ABCB1: variants seen among roughly 807,000 people sequenced by gnomAD.
The protein encoded by ABCB1 is ATP-dependent translocase ABCB1.
Under a neutral mutation model 142.0 loss-of-function variants are expected in ABCB1, and 69 were observed. That is an observed-to-expected ratio of 0.49 (90% confidence interval 0.40 to 0.59). The LOEUF is 0.59. Ranked by LOEUF, ABCB1 falls within the 20% of genes least tolerant of loss-of-function variation. The pLI is 0.00. For synonymous variants in ABCB1, 532 were observed against 539.2 expected, an observed-to-expected ratio of 0.99 and a Z score of 0.18; for missense variants, 1,326 against 1,554.7, an observed-to-expected ratio of 0.85 and a Z score of 2.47.
intron 5 of ABCB1, 111 bp downstream of exon 5, chr7:87,570,059 CAA>C: frequency 1.1e-6 from 1 of 932,144 alleles, no homozygotes; most frequent in Non-Finnish European, 1.7e-6. Flanking sequence ...TAAAAACTAT[CAA>C]GAGTATTGTT....
chr7:87,672,503 T>G (rs542918385), intron 1 of ABCB1, among the ~76,000 whole-genome samples: 15 of 152,300 alleles, frequency 9.8e-5, no homozygotes, highest in Non-Finnish European at 1.9e-4. Flanking sequence ...CTGTAGGTTT[T>G]GGCTGCTTAG....
In ABCB1 at chr7:87,523,339, A is replaced by G. The variant is rs75175682; in HGVS notation, c.2686-2463T>C. On this transcript the variant is annotated intron_variant, in intron 21 of 27. Transcript: ENST00000622132. ...CATACTATCAATCTGTTTTCCAGAA[A>G]GTTTTGGGCTGGGTATGGTGGCTCA... 4.6e-3 allele frequency among the ~76,000 whole-genome samples: 707 copies of G among 152,222 alleles called. 7 individuals carry two copies. Among genetic ancestry groups the G allele is most frequent in the African/African-American group, 0.016 (655 of 41,508 alleles).
At chr7:87,557,240 A>G (rs1199383706) in intron 8 of ABCB1, among the ~76,000 whole-genome samples, 1 of 152,108 alleles carries the variant, frequency 6.6e-6, no homozygotes, top group African/African-American at 2.4e-5. Flanking sequence ...GAAGATCACA[A>G]AATAACCTCT....
chr7:87,641,354 T>G (rs2130295050), intron 1 of ABCB1, among the ~76,000 whole-genome samples: 1 of 152,324 alleles, frequency 6.6e-6, no homozygotes, highest in South Asian at 2.1e-4. Context: ...TTCATCTTCC[T>G]CCATAAGATT....
chr7:87,648,457 T>C (rs1253825958), intron 1 of ABCB1, among the ~76,000 whole-genome samples: 13 of 151,938 alleles, frequency 8.6e-5, no homozygotes. Flanking sequence ...TTCTCAGAGG[T>C]ATTTCACAGC....
At chr7:87,680,923 A>C (rs2130587608) in intron 1 of ABCB1, among the ~76,000 whole-genome samples, 1 of 150,936 alleles carries the variant, frequency 6.6e-6, no homozygotes, top group African/African-American at 2.4e-5. Context: ...CAAAAACAAT[A>C]ATTGGTGATA....
chr7:87,651,386 A>C (rs1339511222), intron 1 of ABCB1, among the ~76,000 whole-genome samples: 1 of 152,128 alleles, frequency 6.6e-6, no homozygotes, highest in African/African-American at 2.4e-5. Context: ...TGATTTTCTT[A>C]AATCAAAAAG....
At chr7:87,534,913 T>TC (rs1222338386) in intron 20 of ABCB1, among the ~76,000 whole-genome samples, 2 of 111,366 alleles carry the variant, frequency 1.8e-5, no homozygotes, top group African/African-American at 8.3e-5. Context: ...AGACCCTGTC[T>TC]CTTTAAAAAA....
chr7:87,523,122 A>T (rs1207882448), intron 21 of ABCB1, among the ~76,000 whole-genome samples: 1 of 151,984 alleles, frequency 6.6e-6, no homozygotes, highest in Non-Finnish European at 1.5e-5. Flanking sequence ...TTTTTTAGAA[A>T]CGGGGTCTTG....
At chr7:87,570,103 G>GT (rs1486819193) in intron 5 of ABCB1, 69 bp downstream of exon 5, 79 of 1,439,284 alleles carry the variant, frequency 5.5e-5, no homozygotes, top group Non-Finnish European at 7.5e-5. Flanking sequence ...ATAATGCAAA[G>GT]TTTTAAACAT....
chr7:87,539,175 C>T, intron 19 of ABCB1, 93 bp downstream of exon 19: 1 of 1,358,150 alleles, frequency 7.4e-7, no homozygotes, highest in South Asian at 1.2e-5. Context: ...GGAGCTAGGC[C>T]TGGGAAACAT....
intron 1 of ABCB1, among the ~76,000 whole-genome samples, chr7:87,670,772 G>A (rs1041236722): frequency 4.6e-5 from 7 of 152,178 alleles, no homozygotes; most frequent in African/African-American, 1.4e-4. Context: ...AAGCCTTGGG[G>A]TGTGATCCAG....
intron 1 of ABCB1, among the ~76,000 whole-genome samples, chr7:87,638,727 C>G (rs1822098284): frequency 6.6e-6 from 1 of 151,840 alleles, no homozygotes; most frequent in Non-Finnish European, 1.5e-5. Context: ...CCATTTTCCC[C>G]ATTTATTTTG....
At chr7:87,642,128 A>G (rs1822521108) in intron 1 of ABCB1, among the ~76,000 whole-genome samples, 1 of 151,906 alleles carries the variant, frequency 6.6e-6, no homozygotes, top group African/African-American at 2.4e-5. Context: ...GATTTATTTT[A>G]TAGTTAAGGC....
intron 4 of ABCB1, among the ~76,000 whole-genome samples, chr7:87,577,825 T>C (rs1443367479): frequency 6.6e-6 from 1 of 152,230 alleles, no homozygotes; most frequent in Non-Finnish European, 1.5e-5. Context: ...ATTAATCTGA[T>C]GTCAGATGGA....
intron 1 of ABCB1, among the ~76,000 whole-genome samples, chr7:87,684,617 A>T (rs1489825441): frequency 6.6e-6 from 1 of 151,932 alleles, no homozygotes; most frequent in Non-Finnish European, 1.5e-5. Flanking sequence ...GCATGGTAGC[A>T]CGTGCCTGTA....
chr7:87,583,442 T>C (rs1171630206), intron 4 of ABCB1, among the ~76,000 whole-genome samples: 1 of 152,180 alleles, frequency 6.6e-6, no homozygotes, highest in Non-Finnish European at 1.5e-5. Flanking sequence ...CTCTAAGCTT[T>C]CTCTTTCCCG....
chr7:87,697,389 G>A lies in ABCB1; in HGVS notation c.-331+15772C>T, dbSNP rs28381731. The stretch of plus-strand genomic sequence containing the variant: ...GTACTTCATTTCTTGAGGGAAGTCT[G>A]GCAGCTGTAGCTCTCATTTTGAAAT... On this transcript the variant is annotated intron_variant, in intron 1 of 28. Coordinates refer to the ABCB1 transcript ENST00000265724. Among the ~76,000 whole-genome samples, 321 of 152,240 alleles carry A rather than the reference G, an allele frequency of 2.1e-3. 1 individual carries two copies. Among genetic ancestry groups the A allele is most frequent in the African/African-American group, 6.8e-3 (284 of 41,566 alleles).
intron 1 of ABCB1, among the ~76,000 whole-genome samples, chr7:87,625,683 A>G (rs1554443862): frequency 6.6e-6 from 1 of 152,158 alleles, no homozygotes; most frequent in Non-Finnish European, 1.5e-5. Flanking sequence ...TTCTGAATCC[A>G]AACTGTTGAA....
Sources: gnomAD v4.1 joint callset for allele counts (sites outside exome capture counted in the v4.1 genomes callset) on GRCh38, gnomAD v4.1.1 for gene constraint, MANE v1.5 for transcripts, NCBI Gene and HGNC (gene_info 2026-07-23, HGNC 2026-07-21) for gene names.